Variants in NUP54 observed in about 807,000 individuals in gnomAD.
NUP54 encodes nucleoporin 54.
NUP54 carries 27 observed loss-of-function variants against 66.4 expected under a neutral mutation model. The observed-to-expected ratio is 0.41, with a 90% CI of 0.30 to 0.56. NUP54 has a LOEUF of 0.56. Ranked by LOEUF, NUP54 falls within the 20% of genes least tolerant of loss-of-function variation. NUP54 has a pLI of 0.34. For missense variants in NUP54, 486 were observed against 596.3 expected (o/e 0.82, Z 1.93); for synonymous variants, 206 against 210.7 (o/e 0.98, Z 0.19).
At chr4:76,136,440 AAAAAC>A (rs201855074) in intron 3 of NUP54, 28 bp from the exon 4 acceptor site, 9 of 1,575,974 alleles carry the variant, frequency 5.7e-6, no homozygotes, top group African/African-American at 1.4e-5. Context: ...ATTAGTATTT[AAAAAC>A]AAAACAAAAC....
At chr4:76,127,040 T>C (rs1183668543) in intron 8 of NUP54, among the ~76,000 whole-genome samples, 1 of 151,942 alleles carries the variant, frequency 6.6e-6, no homozygotes, top group Non-Finnish European at 1.5e-5. Context: ...CAATGAAACA[T>C]AAGAGAGGGT....
chr4:76,130,900 A>G (rs1028966139), intron 7 of NUP54, 151 bp from the exon 8 acceptor site: 4 of 621,022 alleles, frequency 6.4e-6, no homozygotes, highest in Non-Finnish European at 1.1e-5. Flanking sequence ...TGTTATACCA[A>G]AGAGATTTTA....
chr4:76,144,622 A>T (rs572258097), intron 1 of NUP54, 149 bp from the exon 2 acceptor site: 187 of 590,636 alleles, frequency 3.2e-4, no homozygotes, highest in African/African-American at 2.7e-3. Flanking sequence ...TCAATTTTTT[A>T]AAAAACTATA....
At chr4:76,146,660 A>G (rs960893384) in intron 1 of NUP54, among the ~76,000 whole-genome samples, 2 of 152,208 alleles carry the variant, frequency 1.3e-5, no homozygotes, top group Non-Finnish European at 2.9e-5. Context: ...CGATAAATTC[A>G]TATACGAGCA....
chr4:76,126,743 G>A (rs13108645), intron 8 of NUP54, among the ~76,000 whole-genome samples: 73,101 of 151,974 alleles, frequency 0.48, 18,610 homozygotes, highest in East Asian at 0.9. Flanking sequence ...ATAAAAGACT[G>A]CAAGGATTAA....
At chr4:76,121,610 G>A (rs910765471) in intron 9 of NUP54, among the ~76,000 whole-genome samples, 22 of 152,088 alleles carry the variant, frequency 1.4e-4, no homozygotes, top group African/African-American at 5.1e-4. Flanking sequence ...GACTATAGGT[G>A]CCATGTCATC....
At chr4:76,147,977 G>T (rs1731582997) in intron 1 of NUP54, 4 of 339,778 alleles carry the variant, frequency 1.2e-5, no homozygotes, top group Non-Finnish European at 2.2e-5. Context: ...GAGGTGCAGA[G>T]GGGAGGGAGG....
intron 3 of NUP54, among the ~76,000 whole-genome samples, chr4:76,143,028 G>A (rs1028144268): frequency 2.0e-5 from 3 of 151,750 alleles, no homozygotes; most frequent in African/African-American, 7.3e-5. Flanking sequence ...AACCCCTAAT[G>A]AATTAATGGA....
intron 3 of NUP54, among the ~76,000 whole-genome samples, chr4:76,141,086 A>G (rs1277304158): frequency 6.6e-6 from 1 of 152,208 alleles, no homozygotes; most frequent in African/African-American, 2.4e-5. Flanking sequence ...TTTCCCCTTG[A>G]TTCACAGGTA....
intron 11 of NUP54, among the ~76,000 whole-genome samples, chr4:76,116,372 T>C (rs7679611): frequency 0.13 from 20,011 of 152,194 alleles, 1,542 homozygotes; most frequent in East Asian, 0.35. Context: ...ACATTTATAA[T>C]CTTTATCTAA....
intron 1 of NUP54, among the ~76,000 whole-genome samples, chr4:76,147,002 T>C (rs1213731044): frequency 6.6e-6 from 1 of 152,204 alleles, no homozygotes; most frequent in African/African-American, 2.4e-5. Flanking sequence ...AAGAAATACA[T>C]TATTATCATT....
chr4:76,119,914 TAAC>T (rs753352901), intron 9 of NUP54, among the ~76,000 whole-genome samples: 5 of 152,110 alleles, frequency 3.3e-5, no homozygotes, highest in East Asian at 3.8e-4. Flanking sequence ...TATATAAAAT[TAAC>T]AAAATTTTAT....
intron 4 of NUP54, among the ~76,000 whole-genome samples, chr4:76,134,760 T>C (rs1730960696): frequency 6.6e-6 from 1 of 152,260 alleles, no homozygotes; most frequent in African/African-American, 2.4e-5. Context: ...TTTTCCATTT[T>C]ATAGGGTGTG....
intron 3 of NUP54, among the ~76,000 whole-genome samples, chr4:76,142,186 A>C (rs773657475): frequency 1.1e-4 from 16 of 152,374 alleles, no homozygotes; most frequent in Admixed American, 9.8e-4. Context: ...ATTTCAAGAA[A>C]CAAAGGAAAC....
At chr4:76,144,564 T>G in intron 1 of NUP54, 91 bp from the exon 2 acceptor site, 2 of 945,936 alleles carry the variant, frequency 2.1e-6, no homozygotes, top group Non-Finnish European at 3.0e-6. Flanking sequence ...TTGCTACATA[T>G]AAAATCAAAA....
chr4:76,131,038 CT>C (rs80137978), intron 7 of NUP54, among the ~76,000 whole-genome samples, 191 bp downstream of exon 7: 2 of 151,452 alleles, frequency 1.3e-5, no homozygotes, highest in Non-Finnish European at 2.9e-5. Flanking sequence ...TTACCATAAT[CT>C]TTTTTTTTCT....
rs777900466 is a variant in NUP54, at chr4:76,134,158, T to C, written c.710+17A>G. 10 of 1,560,200 alleles carry C rather than the reference T, an allele frequency of 6.4e-6. No homozygotes were observed. The African/African-American group carries it at 1.2e-4, about 19-fold the overall frequency. On this transcript the variant is annotated intron_variant, in intron 5 of 11. Coordinates refer to ENST00000264883, the MANE Select transcript of NUP54 (RefSeq NM_017426.4). The stretch of plus-strand genomic sequence containing the variant: ...AATAAATACACAGAAATAAACAGTA[T>C]ATTTATGTATACTTACTGATCATCT...
At chr4:76,146,578 G>T (rs1330526653) in intron 1 of NUP54, among the ~76,000 whole-genome samples, 1 of 148,476 alleles carries the variant, frequency 6.7e-6, no homozygotes, top group Non-Finnish European at 1.5e-5. Context: ...TTAACTTTTA[G>T]GGAGTAAATA....
intron 1 of NUP54, chr4:76,147,333 G>T: frequency 2.3e-6 from 1 of 441,404 alleles, no homozygotes; most frequent in Non-Finnish European, 3.6e-6. Context: ...GTAAAAACTT[G>T]ATACAGATGT....
Sources: gnomAD v4.1 joint callset for allele counts (sites outside exome capture counted in the v4.1 genomes callset) on GRCh38, gnomAD v4.1.1 for gene constraint, MANE v1.5 for transcripts, NCBI Gene and HGNC (gene_info 2026-07-23, HGNC 2026-07-21) for gene names.